ZFAND3: variants seen among roughly 807,000 people sequenced by gnomAD.
ZFAND3 encodes zinc finger AN1-type containing 3, also known as AN1-type zinc finger protein 3.
Under a neutral mutation model 29.6 loss-of-function variants are expected in ZFAND3, and 10 were observed. That is an observed-to-expected ratio of 0.34 (90% CI 0.21 to 0.57). The LOEUF (loss-of-function observed/expected upper bound fraction) is 0.57. Ranked by LOEUF, ZFAND3 falls within the 20% of genes least tolerant of loss-of-function variation. The pLI, the probability that ZFAND3 is intolerant of heterozygous loss-of-function variation, is 0.86. For missense variants in ZFAND3, 230 were observed against 304.5 expected (o/e 0.76, Z 1.82); for synonymous variants, 128 against 112.6 (o/e 1.14, Z -0.87).
intron 3 of ZFAND3, among the ~76,000 whole-genome samples, chr6:38,079,787 C>T (rs1764625083): frequency 6.6e-6 from 1 of 152,056 alleles, no homozygotes; most frequent in Admixed American, 6.6e-5. Flanking sequence ...ACATTGTGCT[C>T]AGCTGGTTTA....
At chr6:37,820,066 C>T in intron 1 of ZFAND3, 50 bp downstream of exon 1, 1 of 1,191,772 alleles carries the variant, frequency 8.4e-7, no homozygotes, top group African/African-American at 1.6e-5. Context: ...GGGGCGCAGA[C>T]GCCAGGGCAG....
At chr6:38,023,627 CTT>C (rs1019383875) in intron 2 of ZFAND3, among the ~76,000 whole-genome samples, 3 of 152,056 alleles carry the variant, frequency 2.0e-5, no homozygotes, top group Admixed American at 2.0e-4. Context: ...AAGGAAGAAA[CTT>C]TTCATTTTGG....
chr6:37,849,365 T>C (rs1481703995), intron 1 of ZFAND3, among the ~76,000 whole-genome samples: 1 of 152,206 alleles, frequency 6.6e-6, no homozygotes, highest in East Asian at 1.9e-4. Context: ...ATGAATTGCG[T>C]CATATAATAG....
chr6:37,835,524 A>G (rs945920720), intron 1 of ZFAND3, among the ~76,000 whole-genome samples: 3 of 148,084 alleles, frequency 2.0e-5, no homozygotes, highest in Non-Finnish European at 3.0e-5. Flanking sequence ...TAGCATGTAC[A>G]TGTACTGTAT....
intron 2 of ZFAND3, among the ~76,000 whole-genome samples, chr6:38,014,574 G>T (rs1033391063): frequency 6.6e-6 from 1 of 152,128 alleles, no homozygotes; most frequent in Non-Finnish European, 1.5e-5. Flanking sequence ...TGATCTACCC[G>T]CCTCAGCCTC....
intron 2 of ZFAND3, among the ~76,000 whole-genome samples, chr6:38,029,238 A>C (rs72852512): frequency 0.035 from 5,313 of 152,300 alleles, 138 homozygotes; most frequent in Middle Eastern, 0.082. Flanking sequence ...GGCCATATCT[A>C]CAAACGAGTA....
intron 5 of ZFAND3, among the ~76,000 whole-genome samples, chr6:38,117,736 C>G (rs1765449338): frequency 6.6e-6 from 1 of 152,182 alleles, no homozygotes; most frequent in African/African-American, 2.4e-5. Context: ...CCTACAAGTA[C>G]TATTGCTGAC....
chr6:38,101,369 T>C (rs771162579), intron 4 of ZFAND3, among the ~76,000 whole-genome samples: 6 of 152,184 alleles, frequency 3.9e-5, no homozygotes, highest in Non-Finnish European at 5.9e-5. Context: ...AATATACTCA[T>C]TCAGGGAGAA....
intron 2 of ZFAND3, among the ~76,000 whole-genome samples, chr6:37,967,674 C>G (rs561320280): frequency 4.6e-5 from 7 of 152,192 alleles, no homozygotes; most frequent in Non-Finnish European, 8.8e-5. Context: ...TTCTAGTTTT[C>G]TCACTTTCTT....
chr6:38,042,152 T>G (rs1478729632), intron 2 of ZFAND3, among the ~76,000 whole-genome samples: 1 of 151,642 alleles, frequency 6.6e-6, no homozygotes, highest in African/African-American at 2.4e-5. Flanking sequence ...TCTTTTGTAC[T>G]TGTTTTGTTT....
At chr6:38,015,563 A>C (rs1448176783) in intron 2 of ZFAND3, among the ~76,000 whole-genome samples, 1 of 152,234 alleles carries the variant, frequency 6.6e-6, no homozygotes, top group African/African-American at 2.4e-5. Flanking sequence ...CAGCAAGTGA[A>C]TAGATTAATT....
rs887052559 is a variant in ZFAND3, at chr6:38,077,202, G to GA, written c.296-5180dup. Among the ~76,000 whole-genome samples the GA allele has an allele frequency of 3.3e-4, 48 of 145,070 alleles. 1 individual carries two copies. Among genetic ancestry groups the GA allele is most frequent in the Admixed American group, 8.2e-4 (12 of 14,696 alleles). On this transcript the variant is annotated intron_variant, in intron 3 of 5. Transcript: ENST00000287218. ...CTCTCTGCCCAGGGAGGCTTAGGAG[G>GA]AAAAAAAAAAGATATTCTGAATCTC...
intron 2 of ZFAND3, among the ~76,000 whole-genome samples, chr6:38,027,001 C>G (rs1478152909): frequency 6.6e-6 from 1 of 152,008 alleles, no homozygotes; most frequent in South Asian, 2.1e-4. Flanking sequence ...GGGGGGAGGG[C>G]GGAACTAAGT....
intron 1 of ZFAND3, among the ~76,000 whole-genome samples, chr6:37,858,066 A>G (rs1168768894): frequency 2.6e-5 from 4 of 152,112 alleles, no homozygotes; most frequent in Non-Finnish European, 5.9e-5. Context: ...TGTAAACTCT[A>G]GTGACCTGCC....
intron 2 of ZFAND3, among the ~76,000 whole-genome samples, chr6:37,956,993 G>C (rs552214410): frequency 5.4e-4 from 82 of 152,254 alleles, no homozygotes; most frequent in African/African-American, 1.9e-3. Flanking sequence ...ACATCTCGCT[G>C]AGTTTCTAGG....
chr6:38,034,547 T>C (rs988633689), intron 2 of ZFAND3, among the ~76,000 whole-genome samples: 7 of 152,174 alleles, frequency 4.6e-5, no homozygotes, highest in African/African-American at 1.2e-4. Flanking sequence ...TTGAAAAATA[T>C]GCAGTATCTT....
intron 1 of ZFAND3, among the ~76,000 whole-genome samples, chr6:37,909,706 C>T (rs1265879043): frequency 6.9e-6 from 1 of 145,718 alleles, no homozygotes; most frequent in Non-Finnish European, 1.5e-5. Flanking sequence ...ATTGCTTATA[C>T]TATAGTTGTG....
chr6:37,844,972 C>T (rs1450944438), intron 1 of ZFAND3, among the ~76,000 whole-genome samples: 1 of 149,670 alleles, frequency 6.7e-6, no homozygotes, highest in Non-Finnish European at 1.5e-5. Flanking sequence ...TGCAGTGAGC[C>T]GAGATCACGC....
chr6:38,038,615 T>A (rs548619431), intron 2 of ZFAND3, among the ~76,000 whole-genome samples: 1 of 151,864 alleles, frequency 6.6e-6, no homozygotes, highest in Admixed American at 6.6e-5. Context: ...GAAAGTCGTT[T>A]CCCCCCCGCT....
Sources: allele counts gnomAD v4.1 joint callset (sites outside exome capture counted in the v4.1 genomes callset), GRCh38; gene constraint gnomAD v4.1.1; transcripts MANE v1.5; gene names NCBI Gene and HGNC (gene_info 2026-07-23, HGNC 2026-07-21).